Variants in RAB38 observed in about 807,000 individuals in gnomAD.
RAB38 encodes the protein RAB38, member RAS oncogene family, also known as ras-related protein Rab-38.
In RAB38, 15 loss-of-function variants were observed where a neutral mutation model predicts 18.4. The ratio of observed to expected loss-of-function variants is 0.82; its 90% CI spans 0.55 to 1.26. The LOEUF (loss-of-function observed/expected upper bound fraction) is 1.26. Among genes scored for constraint, RAB38 ranks in the 50% most tolerant of loss-of-function variants. The probability of loss-of-function intolerance (pLI) is 0.00; values close to 1 mark genes in which losing one functional copy is unlikely to be tolerated. For missense variants in RAB38, 294 were observed against 267.4 expected, an observed-to-expected ratio of 1.10 and a Z score of -0.69; for synonymous variants, 101 against 104.4, an observed-to-expected ratio of 0.97 and a Z score of 0.20.
the RAB38 span, among the ~76,000 whole-genome samples, chr11:87,841,071 C>T: frequency 6.6e-6 from 1 of 152,184 alleles, no homozygotes; most frequent in South Asian, 2.1e-4. Context: ...AGTTGATTAT[C>T]TTTTTGTTGT....
the RAB38 span, among the ~76,000 whole-genome samples, chr11:87,970,850 G>C: frequency 6.6e-6 from 1 of 152,042 alleles, no homozygotes; most frequent in Non-Finnish European, 1.5e-5. Flanking sequence ...TACATTTGGG[G>C]CTTTTGTTAC....
chr11:88,034,284 T>C, the RAB38 span, among the ~76,000 whole-genome samples: 1 of 152,236 alleles, frequency 6.6e-6, no homozygotes, highest in African/African-American at 2.4e-5. Context: ...TGTTTACAGT[T>C]TTGGGTTATT....
the RAB38 span, among the ~76,000 whole-genome samples, chr11:88,043,770 T>C: frequency 3.3e-5 from 5 of 152,290 alleles, no homozygotes; most frequent in South Asian, 1.0e-3. Flanking sequence ...ACAAAGCCTG[T>C]TTGGTGGTCT....
the RAB38 span, among the ~76,000 whole-genome samples, chr11:88,045,745 C>G: frequency 6.6e-6 from 1 of 152,182 alleles, no homozygotes; most frequent in Admixed American, 6.5e-5. Flanking sequence ...CAAGTCCGTC[C>G]CCTTCTTAAT....
chr11:88,121,573 T>G (rs1233492401), intron 2 of RAB38, among the ~76,000 whole-genome samples: 1 of 150,386 alleles, frequency 6.6e-6, no homozygotes, highest in African/African-American at 2.5e-5. Context: ...TCTTTTTTTG[T>G]TTTTTGTGAG....
the RAB38 span, among the ~76,000 whole-genome samples, chr11:87,843,049 T>C: frequency 6.6e-6 from 1 of 152,156 alleles, no homozygotes; most frequent in Non-Finnish European, 1.5e-5. Flanking sequence ...CCACAGGGTC[T>C]AGACATATTT....
chr11:88,149,268 T>C (rs1376624784), intron 2 of RAB38, among the ~76,000 whole-genome samples: 1 of 152,210 alleles, frequency 6.6e-6, no homozygotes, highest in Non-Finnish European at 1.5e-5. Context: ...GATGTACAGG[T>C]GAACATATTA....
chr11:88,024,073 C>G, the RAB38 span, among the ~76,000 whole-genome samples: 1 of 151,934 alleles, frequency 6.6e-6, no homozygotes, highest in Non-Finnish European at 1.5e-5. Flanking sequence ...AAAGCTTTTA[C>G]ATAGTGAAGG....
chr11:87,826,189 G>A, the RAB38 span, among the ~76,000 whole-genome samples: 3 of 152,180 alleles, frequency 2.0e-5, no homozygotes, highest in Non-Finnish European at 2.9e-5. Flanking sequence ...ATATCCCCTA[G>A]GGATGAGGAT....
the RAB38 span, among the ~76,000 whole-genome samples, chr11:88,023,176 T>C: frequency 6.6e-6 from 1 of 151,782 alleles, no homozygotes; most frequent in Admixed American, 6.6e-5. Context: ...GAGAGAAAAA[T>C]GTTAGTTAAT....
the RAB38 span, among the ~76,000 whole-genome samples, chr11:87,961,061 C>CT: frequency 6.6e-6 from 1 of 152,134 alleles, no homozygotes; most frequent in Non-Finnish European, 1.5e-5. Context: ...TTCAATGTCT[C>CT]TTTTCATGCT....
At chr11:88,023,405 C>T in the RAB38 span, among the ~76,000 whole-genome samples, 1 of 150,290 alleles carries the variant, frequency 6.7e-6, no homozygotes, top group Non-Finnish European at 1.5e-5. Flanking sequence ...TAAAAGAATA[C>T]TAAAAAAGTA....
the RAB38 span, among the ~76,000 whole-genome samples, chr11:87,891,943 G>GTGA: frequency 6.6e-6 from 1 of 151,832 alleles, no homozygotes; most frequent in African/African-American, 2.4e-5. Flanking sequence ...CCTGCATCAT[G>GTGA]TGATATAGTA....
chr11:88,076,322 C>A, the RAB38 span, among the ~76,000 whole-genome samples: 23 of 151,990 alleles, frequency 1.5e-4, no homozygotes, highest in East Asian at 4.4e-3. Context: ...AATATTGTAC[C>A]GAATGGAAAA....
At position 88,172,493 on chromosome 11, in the gene RAB38, A is replaced by C. The variant is rs141558202; in HGVS notation, c.202+2690T>G. Among the ~76,000 whole-genome samples, 801 of 152,322 alleles carry C rather than the reference A, an allele frequency of 5.3e-3. 7 individuals are homozygous for C. The highest frequency in any genetic ancestry group is 0.019 in the African/African-American group (774 of 41,568). ...AAGATTCCCTTAATAACAAATGTAT[A>C]TGATATCCTATCAGAACAGTGCAGG... On this transcript the variant is annotated intron_variant, in intron 1 of 2. Transcript: ENST00000243662.
intron 1 of RAB38, among the ~76,000 whole-genome samples, chr11:88,158,977 A>G (rs1162877078): frequency 1.3e-5 from 2 of 151,950 alleles, no homozygotes; most frequent in Non-Finnish European, 2.9e-5. Flanking sequence ...AAGTCAAACT[A>G]TCTCTCTTTA....
At chr11:87,837,967 TAAGC>T in the RAB38 span, among the ~76,000 whole-genome samples, 1 of 152,208 alleles carries the variant, frequency 6.6e-6, no homozygotes, top group Non-Finnish European at 1.5e-5. Flanking sequence ...TACCTGCTCT[TAAGC>T]AATCAGAGTT....
At chr11:87,846,915 C>T in the RAB38 span, among the ~76,000 whole-genome samples, 2 of 151,996 alleles carry the variant, frequency 1.3e-5, no homozygotes, top group Non-Finnish European at 2.9e-5. Context: ...AAAAATTGTA[C>T]ACATAAATAA....
chr11:87,933,748 C>G, the RAB38 span, among the ~76,000 whole-genome samples: 1 of 151,898 alleles, frequency 6.6e-6, no homozygotes, highest in South Asian at 2.1e-4. Flanking sequence ...GCAGATCCAC[C>G]AATGGCAAGA....
Sources: allele counts gnomAD v4.1 joint callset (sites outside exome capture counted in the v4.1 genomes callset), GRCh38; gene constraint gnomAD v4.1.1; transcripts MANE v1.5; gene names NCBI Gene and HGNC (gene_info 2026-07-23, HGNC 2026-07-21).